Variants in NAALADL2 observed in about 807,000 individuals in gnomAD.
NAALADL2 encodes inactive N-acetylated-alpha-linked acidic dipeptidase-like protein 2.
A neutral mutation model predicts 87.2 loss-of-function variants in NAALADL2; 76 were observed. The observed-to-expected ratio is 0.87, with a 90% CI of 0.72 to 1.05. NAALADL2 has a LOEUF of 1.05. Among genes scored for constraint, NAALADL2 ranks in the 50% least tolerant of loss-of-function variants. The pLI is 0.00. For missense variants in NAALADL2, 1,089 were observed against 945.8 expected, an observed-to-expected ratio of 1.15 and a Z score of -1.99; for synonymous variants, 354 against 331.0, an observed-to-expected ratio of 1.07 and a Z score of -0.75.
chr3:175,448,840 G>A (rs546876661), intron 6 of NAALADL2, among the ~76,000 whole-genome samples: 67 of 152,166 alleles, frequency 4.4e-4, no homozygotes, highest in Non-Finnish European at 6.8e-4. Context: ...CTCCCAAGTA[G>A]CTAGGACTAC....
At chr3:175,216,367 A>G (rs1742522244) in intron 2 of NAALADL2, among the ~76,000 whole-genome samples, 1 of 152,144 alleles carries the variant, frequency 6.6e-6, no homozygotes, top group Admixed American at 6.6e-5. Context: ...AGACTTAATG[A>G]GGCTTTAAGA....
rs1380362818 is a variant in NAALADL2, at chr3:174,899,426, G to GTTT, written c.43+39977_43+39979dup. Among the ~76,000 whole-genome samples, 4 of 152,152 alleles carry GTTT rather than the reference G, an allele frequency of 2.6e-5. No individual in the cohort carries two copies. The East Asian group carries it at 7.7e-4, about 29-fold the overall frequency. On this transcript the variant is annotated intron_variant, in intron 1 of 13. Coordinates refer to ENST00000454872, the MANE Select transcript of NAALADL2 (RefSeq NM_207015.3). The stretch of plus-strand genomic sequence containing the variant: ...CATGGGGGCCAATGTCTCATGAATG[G>GTTT]TTTAAAGTCCTCCCCTTGGTGGTGT...
At chr3:174,705,627 A>T (rs796881718) in intron 2 of NAALADL2, among the ~76,000 whole-genome samples, 3 of 152,124 alleles carry the variant, frequency 2.0e-5, no homozygotes, top group African/African-American at 7.2e-5. Flanking sequence ...TACTAAAAAT[A>T]CAAAAATTAG....
intron 1 of NAALADL2, among the ~76,000 whole-genome samples, chr3:175,063,228 G>A (rs1713880053): frequency 1.3e-5 from 2 of 152,030 alleles, no homozygotes; most frequent in African/African-American, 2.4e-5. Flanking sequence ...GAGTAACTTG[G>A]CAGGATTTAG....
chr3:174,598,699 A>G (rs1050398192), intron 2 of NAALADL2, among the ~76,000 whole-genome samples: 2 of 152,156 alleles, frequency 1.3e-5, no homozygotes, highest in African/African-American at 2.4e-5. Context: ...AAGGGCTTTT[A>G]GATTTGGACA....
chr3:175,669,433 C>A (rs1582837641), intron 11 of NAALADL2, among the ~76,000 whole-genome samples: 1 of 152,022 alleles, frequency 6.6e-6, no homozygotes, highest in East Asian at 1.9e-4. Context: ...TTTATAATGT[C>A]CTGATGATGT....
chr3:174,807,488 T>A (rs1333542833), intron 3 of NAALADL2, among the ~76,000 whole-genome samples: 1 of 152,152 alleles, frequency 6.6e-6, no homozygotes, highest in African/African-American at 2.4e-5. Context: ...TTATTCTTTT[T>A]CTGTTTTGCT....
chr3:174,872,433 C>G (rs1412835963), intron 1 of NAALADL2, among the ~76,000 whole-genome samples: 1 of 152,128 alleles, frequency 6.6e-6, no homozygotes, highest in African/African-American at 2.4e-5. Flanking sequence ...TGATGGTTTA[C>G]TTGAATAGAG....
At chr3:175,680,552 G>T (rs886351451) in intron 11 of NAALADL2, among the ~76,000 whole-genome samples, 2 of 151,994 alleles carry the variant, frequency 1.3e-5, no homozygotes, top group African/African-American at 4.8e-5. Flanking sequence ...CTAGCTTCAG[G>T]CAGTGTTATA....
chr3:175,669,428 A>G (rs982863549), intron 11 of NAALADL2, among the ~76,000 whole-genome samples: 3 of 152,084 alleles, frequency 2.0e-5, no homozygotes, highest in African/African-American at 7.2e-5. Context: ...CACATTTTAT[A>G]ATGTCCTGAT....
intron 9 of NAALADL2, among the ~76,000 whole-genome samples, chr3:175,573,833 G>T (rs181754364): frequency 7.2e-5 from 11 of 152,146 alleles, no homozygotes; most frequent in Admixed American, 7.2e-4. Context: ...GGGGGTGGGG[G>T]TCACCATAAA....
At chr3:175,186,438 A>C (rs1737345327) in intron 2 of NAALADL2, among the ~76,000 whole-genome samples, 1 of 152,082 alleles carries the variant, frequency 6.6e-6, no homozygotes, top group African/African-American at 2.4e-5. Context: ...AGTTTGGCTA[A>C]TTTAAAAATA....
At chr3:175,456,069 A>T (rs545994930) in intron 6 of NAALADL2, among the ~76,000 whole-genome samples, 12 of 152,130 alleles carry the variant, frequency 7.9e-5, no homozygotes, top group Admixed American at 3.3e-4. Flanking sequence ...TAAGATTGGA[A>T]TTTTTTCTAG....
chr3:175,471,700 G>C lies in NAALADL2; in HGVS notation c.1595G>C (p.Arg532Thr), dbSNP rs770621881. ...VAYISLHSPI[R>T]GNSSLYPVAS... ...TATATTAGCCTCCACAGTCCCATAA[G>C]GGGGAACTCTAGTCTGTATCCTGTA... The change falls in exon 9 of 14, where the codon AGG becomes ACG. Residue 532 changes from arginine to threonine, a missense_variant. Coordinates refer to ENST00000454872, the MANE Select transcript of NAALADL2 (RefSeq NM_207015.3). The C allele has an allele frequency of 6.2e-6, 10 of 1,601,388 alleles. No homozygotes were observed. The highest frequency in any genetic ancestry group is 2.7e-5 in the African/African-American group (2 of 74,560).
rs913382744 is a variant in NAALADL2, at chr3:174,898,112, CAAAAAAAAAAA to C, written c.43+38683_43+38693del. Reference sequence around the variant, plus strand: ...TGGGTGACAGAGCGAGACTCCGTCTCAAAAAAAAAAAAAAAAAAAAAAAAAAAAAAAGAAAA... The same window carrying C: ...TGGGTGACAGAGCGAGACTCCGTCTCAAAAAAAAAAAAAAAAAAAAGAAAA... On this transcript the variant is annotated intron_variant, in intron 1 of 13. Transcript: ENST00000454872. 1.4e-3 allele frequency among the ~76,000 whole-genome samples: 20 copies of C among 14,496 alleles called. No individual in the cohort carries two copies. The East Asian group carries it at 0.019, about 14-fold the overall frequency. The allele number at this position is 14,496 out of a possible 152,430, so 9.5% of individuals were successfully genotyped here. A position where few individuals can be genotyped will look rare whatever the true frequency, so the allele number is the denominator to read the frequency against.
rs1408169414 is a variant in NAALADL2, at chr3:175,011,272, C to CAGAGAGAG, written c.44-85511_44-85510insGAGAGAGA. 5.1e-4 allele frequency among the ~76,000 whole-genome samples: 56 copies of CAGAGAGAG among 110,352 alleles called. 2 individuals carry two copies. The highest frequency in any genetic ancestry group is 1.5e-3 in the African/African-American group (49 of 32,046). The allele number at this position is 110,352 out of a possible 152,430, so 72.4% of individuals were successfully genotyped here. A position where few individuals can be genotyped will look rare whatever the true frequency, so the allele number is the denominator to read the frequency against. ...AGAGACAGAGAGAGAGGGAGAGAGA[C>CAGAGAGAG]AGAGAGACAGAGAGAGAGAGAGAGA... is the stretch of plus-strand genomic sequence containing the variant. On this transcript the variant is annotated intron_variant, in intron 1 of 13. Coordinates refer to ENST00000454872, the MANE Select transcript of NAALADL2 (RefSeq NM_207015.3).
chr3:175,713,211 T>C (rs1164432071), intron 11 of NAALADL2, among the ~76,000 whole-genome samples: 2 of 152,146 alleles, frequency 1.3e-5, no homozygotes, highest in Non-Finnish European at 2.9e-5. Flanking sequence ...CACAGTGTTA[T>C]GGTGAATTGA....
At chr3:175,242,919 C>T (rs751417852) in intron 3 of NAALADL2, among the ~76,000 whole-genome samples, 52 of 151,960 alleles carry the variant, frequency 3.4e-4, no homozygotes, top group Admixed American at 6.6e-5. Flanking sequence ...AAATATCTAC[C>T]GAATATTAGT....
At chr3:174,848,999 C>T (rs1724942307) in intron 3 of NAALADL2, among the ~76,000 whole-genome samples, 1 of 152,014 alleles carries the variant, frequency 6.6e-6, no homozygotes, top group African/African-American at 2.4e-5. Context: ...TTGTATATTT[C>T]AACATATCTA....
Sources: gnomAD v4.1 joint callset for allele counts (sites outside exome capture counted in the v4.1 genomes callset) on GRCh38, gnomAD v4.1.1 for gene constraint, MANE v1.5 for transcripts, NCBI Gene and HGNC (gene_info 2026-07-23, HGNC 2026-07-21) for gene names.